Variants in PCDH15 observed in about 807,000 individuals in gnomAD.
PCDH15 encodes protocadherin related 15, also known as protocadherin-15.
PCDH15 carries 129 observed loss-of-function variants against 178.5 expected under a neutral mutation model. The observed-to-expected ratio is 0.72, with a 90% CI of 0.63 to 0.84. The LOEUF (loss-of-function observed/expected upper bound fraction) is 0.84, where lower values mean the gene tolerates loss of function less well. Among genes scored for constraint, PCDH15 ranks in the 40% least tolerant of loss-of-function variants. PCDH15 has a pLI of 0.00. For synonymous variants in PCDH15, 800 were observed against 732.0 expected, an observed-to-expected ratio of 1.09 and a Z score of -1.50; for missense variants, 2,230 against 2,099.9, an observed-to-expected ratio of 1.06 and a Z score of -1.21.
intron 2 of PCDH15, among the ~76,000 whole-genome samples, chr10:54,575,537 G>T (rs1314397109): frequency 6.6e-6 from 1 of 151,956 alleles, no homozygotes; most frequent in Non-Finnish European, 1.5e-5. Context: ...TATATCTTGG[G>T]AAATAAAATA....
chr10:53,887,134 T>TA (rs2081158032), intron 26 of PCDH15, among the ~76,000 whole-genome samples: 2 of 152,342 alleles, frequency 1.3e-5, no homozygotes, highest in South Asian at 4.1e-4. Context: ...TCATTCTCCC[T>TA]ACCACCCTGT....
chr10:55,424,682 G>T (rs374012340), intron 2 of PCDH15, among the ~76,000 whole-genome samples: 1 of 151,966 alleles, frequency 6.6e-6, no homozygotes, highest in East Asian at 1.9e-4. Context: ...AACTGCTTTG[G>T]TGTATAGGAA....
At chr10:54,397,308 C>T (rs1951362817) in intron 3 of PCDH15, among the ~76,000 whole-genome samples, 1 of 151,992 alleles carries the variant, frequency 6.6e-6, no homozygotes, top group East Asian at 1.9e-4. Flanking sequence ...TCCCAGTCTC[C>T]CAGTTTGTAT....
intron 2 of PCDH15, among the ~76,000 whole-genome samples, chr10:55,463,808 T>G (rs1023574819): frequency 6.6e-6 from 1 of 150,472 alleles, no homozygotes; most frequent in Non-Finnish European, 1.5e-5. Flanking sequence ...ACAAGTGTAA[T>G]AATTTAAATT....
intron 2 of PCDH15, among the ~76,000 whole-genome samples, chr10:55,394,149 C>T (rs1039208804): frequency 6.6e-6 from 1 of 151,884 alleles, no homozygotes; most frequent in Admixed American, 6.6e-5. Flanking sequence ...ACCAACAAAG[C>T]CCTCTTTTCT....
chr10:55,045,275 G>A (rs1840970724), intron 2 of PCDH15, among the ~76,000 whole-genome samples: 1 of 151,840 alleles, frequency 6.6e-6, no homozygotes, highest in South Asian at 2.1e-4. Context: ...CTCAATATAC[G>A]TTTTACCATT....
intron 2 of PCDH15, among the ~76,000 whole-genome samples, chr10:55,148,061 T>C (rs964278653): frequency 6.6e-6 from 1 of 151,742 alleles, no homozygotes; most frequent in Non-Finnish European, 1.5e-5. Context: ...TAAATATGCT[T>C]AAAGCTAAAG....
At position 55,284,154 on chromosome 10, in the gene PCDH15, G is replaced by A. The variant is rs575267290; in HGVS notation, c.-156+35445C>T. ...TATGGTTTTCTAACGAAAACATTTC[G>A]TTCTTTTGTGAGTTATGTGTCCTTT... On this transcript the variant is annotated intron_variant, in intron 1 of 5. Transcript: ENST00000458638. Among the ~76,000 whole-genome samples, 18 of 152,106 alleles carry A rather than the reference G, an allele frequency of 1.2e-4. No homozygotes were observed. The South Asian group carries it at 2.9e-3, about 25-fold the overall frequency.
At chr10:54,691,055 G>A (rs930657983) in intron 1 of PCDH15, among the ~76,000 whole-genome samples, 13 of 152,002 alleles carry the variant, frequency 8.6e-5, no homozygotes, top group Admixed American at 8.5e-4. Context: ...CAGAACAAAA[G>A]AGGAAAATAT....
intron 1 of PCDH15, among the ~76,000 whole-genome samples, chr10:54,735,496 CCCAGCCATCTCATTACTGGG>C (rs1482086299): frequency 1.6e-4 from 24 of 150,196 alleles, no homozygotes; most frequent in Non-Finnish European, 3.0e-4. Context: ...TACCATTTGA[CCCAGCCATCTCATTACTGGG>C]TATATACCCA....
At chr10:54,760,757 G>C (rs945425670) in intron 1 of PCDH15, among the ~76,000 whole-genome samples, 6 of 152,086 alleles carry the variant, frequency 3.9e-5, no homozygotes, top group African/African-American at 1.4e-4. Flanking sequence ...TAGGTAAATT[G>C]ATGAGCATCA....
chr10:54,009,713 T>C (rs2092510734), intron 20 of PCDH15, among the ~76,000 whole-genome samples: 1 of 151,338 alleles, frequency 6.6e-6, no homozygotes, highest in Non-Finnish European at 1.5e-5. Flanking sequence ...GTCAGGGGAG[T>C]CCTCCCACTG....
chr10:54,722,578 CCA>C (rs1491102945), intron 1 of PCDH15, among the ~76,000 whole-genome samples: 5 of 105,638 alleles, frequency 4.7e-5, no homozygotes, highest in African/African-American at 1.7e-4. Context: ...GCAATTGGGA[CCA>C]AAAAAAAAAA....
chr10:55,122,588 T>C (rs1837797665), intron 2 of PCDH15, among the ~76,000 whole-genome samples: 1 of 152,088 alleles, frequency 6.6e-6, no homozygotes, highest in Non-Finnish European at 1.5e-5. Context: ...ATAAGATCAG[T>C]TTATGGATTT....
intron 1 of PCDH15, among the ~76,000 whole-genome samples, chr10:54,787,598 G>C (rs536777596): frequency 6.6e-6 from 1 of 152,062 alleles, no homozygotes; most frequent in South Asian, 2.1e-4. Flanking sequence ...CAAGAGTGCA[G>C]AACATGACAG....
intron 17 of PCDH15, among the ~76,000 whole-genome samples, chr10:54,076,372 T>G (rs964586634): frequency 3.9e-5 from 6 of 152,166 alleles, no homozygotes; most frequent in African/African-American, 9.6e-5. Context: ...AACATGTGTA[T>G]GGAATCATTA....
chr10:54,066,103 T>A (rs1007280567), intron 18 of PCDH15, among the ~76,000 whole-genome samples: 2 of 152,208 alleles, frequency 1.3e-5, no homozygotes, highest in African/African-American at 2.4e-5. Flanking sequence ...TACTTCAAAT[T>A]GTGCACATCT....
At chr10:55,164,834 C>T (rs563672158) in intron 2 of PCDH15, among the ~76,000 whole-genome samples, 1 of 152,188 alleles carries the variant, frequency 6.6e-6, no homozygotes, top group South Asian at 2.1e-4. Flanking sequence ...TCTTACTACG[C>T]AAGCGGATTG....
intron 2 of PCDH15, among the ~76,000 whole-genome samples, chr10:54,532,762 GAA>G (rs5785079): frequency 2.1e-5 from 3 of 145,982 alleles, no homozygotes; most frequent in Admixed American, 6.9e-5. Flanking sequence ...TTATAACAAT[GAA>G]AAAAAAAAAC....
Sources: gnomAD v4.1 joint callset for allele counts (sites outside exome capture counted in the v4.1 genomes callset) on GRCh38, gnomAD v4.1.1 for gene constraint, MANE v1.5 for transcripts, NCBI Gene and HGNC (gene_info 2026-07-23, HGNC 2026-07-21) for gene names.